The following FREM1 variants were observed in gnomAD, a reference collection of about 807,000 sequenced individuals.
FREM1 encodes FRAS1-related extracellular matrix protein 1.
FREM1 carries 220 observed loss-of-function variants against 210.1 expected under a neutral mutation model. The observed-to-expected ratio is 1.05, with a 90% confidence interval of 0.94 to 1.17. FREM1 has a LOEUF of 1.17. Among genes scored for constraint, FREM1 ranks in the 50% most tolerant of loss-of-function variants. FREM1 has a pLI of 0.00. For synonymous variants in FREM1, 1,189 were observed against 980.2 expected (o/e 1.21, Z -3.98); for missense variants, 3,454 against 2,675.5 (o/e 1.29, Z -6.42).
chr9:14,759,987 G>A (rs952533769), intron 27 of FREM1, 86 bp from the exon 28 acceptor site: 8 of 1,136,130 alleles, frequency 7.0e-6, no homozygotes, highest in South Asian at 2.0e-5. Context: ...GTGGAAAAAC[G>A]TGGTTGATCA....
Position 14,784,450 on chromosome 9 carries a change from G to C in FREM1, c.4362C>G (p.Asn1454Lys), listed in dbSNP as rs747248351. The C allele has an allele frequency of 3.1e-6, 5 of 1,613,944 alleles. No homozygotes were observed. In the Admixed American group the frequency reaches 8.3e-5, roughly 27 times the overall value. Residue 1454 changes from asparagine (N) to lysine (K), a missense_variant, in exon 24 of 37, where the codon AAC (asparagine) becomes AAG (lysine). Asn to Lys is a moderately conservative substitution (Grantham distance 94, BLOSUM62 0). Transcript: ENST00000380880. ...YVHYPGVPIT[N>K]FSQMDVVGQT... is the part of the protein sequence containing the mutation. ...GCCCCACTACATCCATTTGGCTGAA[G>C]TTTGTAATGGGAACTCCAGGATAGT...
At chr9:14,826,239 C>A (rs1174887304) in intron 10 of FREM1, among the ~76,000 whole-genome samples, 1 of 151,890 alleles carries the variant, frequency 6.6e-6, no homozygotes, top group Non-Finnish European at 1.5e-5. Context: ...CTACGGGCTT[C>A]CACCATCACA....
intron 22 of FREM1, among the ~76,000 whole-genome samples, chr9:14,790,142 C>T (rs968024132): frequency 1.3e-5 from 2 of 152,098 alleles, no homozygotes; most frequent in African/African-American, 4.8e-5. Flanking sequence ...GGGGAGGTGG[C>T]ACAGCAGTGG....
At chr9:14,814,614 T>C (rs1819975325) in intron 15 of FREM1, among the ~76,000 whole-genome samples, 1 of 152,236 alleles carries the variant, frequency 6.6e-6, no homozygotes, top group Non-Finnish European at 1.5e-5. Flanking sequence ...ACCATCTTTG[T>C]TCAAGTCCCC....
intron 6 of FREM1, among the ~76,000 whole-genome samples, chr9:14,850,716 C>T (rs901845341): frequency 6.6e-6 from 1 of 152,114 alleles, no homozygotes; most frequent in African/African-American, 2.4e-5. Context: ...TACCCCAGAA[C>T]TTAAACACAC....
chr9:14,870,177 T>G (rs1832335449), intron 1 of FREM1, among the ~76,000 whole-genome samples: 2 of 152,234 alleles, frequency 1.3e-5, no homozygotes, highest in Non-Finnish European at 2.9e-5. Context: ...GCATAACCAG[T>G]AGATACCAAA....
chr9:14,889,380 T>A (rs1240576227), intron 1 of FREM1, among the ~76,000 whole-genome samples: 1 of 152,248 alleles, frequency 6.6e-6, no homozygotes, highest in Non-Finnish European at 1.5e-5. Context: ...CCTTTGTTTA[T>A]GTGGAAGGTT....
intron 21 of FREM1, among the ~76,000 whole-genome samples, chr9:14,796,411 CTG>C (rs368274144): frequency 2.0e-5 from 3 of 152,330 alleles, no homozygotes; most frequent in African/African-American, 7.2e-5. Flanking sequence ...GTTCTGTAGA[CTG>C]TGTACAGTTC....
At chr9:14,856,886 C>A (rs2131509633) in intron 5 of FREM1, among the ~76,000 whole-genome samples, 1 of 152,142 alleles carries the variant, frequency 6.6e-6, no homozygotes, top group Non-Finnish European at 1.5e-5. Flanking sequence ...TGCAGTTTCC[C>A]CGGTTTCCCC....
At chr9:14,868,630 C>T (rs1322567223) in intron 2 of FREM1, 114 bp downstream of exon 2, 2 of 695,292 alleles carry the variant, frequency 2.9e-6, no homozygotes, top group Non-Finnish European at 5.1e-6. Flanking sequence ...TTCTAATACT[C>T]GTCTTTGATG....
chr9:14,747,066 G>GGCAATTTA lies in FREM1; in HGVS notation c.6010-23_6010-16dup. 3 of 1,612,920 alleles carry GGCAATTTA rather than the reference G, an allele frequency of 1.9e-6. No individual in the cohort carries two copies. The highest frequency in any genetic ancestry group is 2.5e-6 in the Non-Finnish European group (3 of 1,179,430). On this transcript the variant is annotated splice_polypyrimidine_tract_variant and intron_variant, in intron 33 of 36. Transcript: ENST00000380880. ...GGCAACTGGTCCTTTGGGAAGGAAA[G>GGCAATTTA]GCAATTTAGCAATTTAGAATTGACT...
chr9:14,902,020 T>C (rs1336668988), intron 1 of FREM1, among the ~76,000 whole-genome samples: 2 of 151,998 alleles, frequency 1.3e-5, no homozygotes, highest in Non-Finnish European at 2.9e-5. Flanking sequence ...TGGTTTTTTT[T>C]TTTTTTTAAG....
At position 14,812,899 on chromosome 9, in the gene FREM1, G is replaced by T. The variant is rs776648421; in HGVS notation, c.2806C>A (p.His936Asn). ...ACTCCAGCTCTCCTCACCACCCCAT[G>T]CTGAGGTTCGCGAGCAATCACAAAC... Reference protein sequence around the residue: ...LMFVIAREPQHGVVRRAGVTV... With the variant: ...LMFVIAREPQNGVVRRAGVTV... Residue 936 changes from histidine (H) to asparagine (N), a missense_variant, in exon 16 of 37, where the codon CAT becomes AAT. Transcript: ENST00000380880. 1.2e-6 allele frequency: 2 copies of T among 1,613,832 alleles called. No homozygotes were observed. Among genetic ancestry groups the T allele is most frequent in the Admixed American group, 3.3e-5 (2 of 60,004 alleles).
At chr9:14,866,436 G>A (rs1467937615) in intron 2 of FREM1, among the ~76,000 whole-genome samples, 1 of 152,168 alleles carries the variant, frequency 6.6e-6, no homozygotes, top group African/African-American at 2.4e-5. Context: ...ACGGTAAGGA[G>A]TCATAGGCCA....
At chr9:14,772,975 C>A (rs1376067777) in intron 25 of FREM1, among the ~76,000 whole-genome samples, 1 of 152,200 alleles carries the variant, frequency 6.6e-6, no homozygotes, top group Non-Finnish European at 1.5e-5. Flanking sequence ...ACTCTAGCAA[C>A]ACGGTCCCGT....
At chr9:14,843,054 G>C (rs1462587246) in intron 8 of FREM1, among the ~76,000 whole-genome samples, 1 of 152,176 alleles carries the variant, frequency 6.6e-6, no homozygotes, top group Non-Finnish European at 1.5e-5. Context: ...AGCAGACTGA[G>C]AAAAGATCAC....
At chr9:14,826,328 G>A (rs1480721063) in intron 10 of FREM1, among the ~76,000 whole-genome samples, 5 of 152,104 alleles carry the variant, frequency 3.3e-5, no homozygotes, top group Admixed American at 6.5e-5. Context: ...CTGACTTCAA[G>A]TGATCCGCCC....
At chr9:14,785,309 CA>C (rs1850243187) in intron 23 of FREM1, among the ~76,000 whole-genome samples, 1 of 152,126 alleles carries the variant, frequency 6.6e-6, no homozygotes. Context: ...TATTAACATT[CA>C]TTAGTTATAT....
chr9:14,776,825 A>G (rs1312118269), intron 24 of FREM1, among the ~76,000 whole-genome samples: 4 of 152,214 alleles, frequency 2.6e-5, no homozygotes, highest in African/African-American at 9.6e-5. Context: ...GGGATGGACC[A>G]GAAGATCATT....
Sources: allele counts gnomAD v4.1 joint callset (sites outside exome capture counted in the v4.1 genomes callset), GRCh38; gene constraint gnomAD v4.1.1; transcripts MANE v1.5; gene names NCBI Gene and HGNC (gene_info 2026-07-23, HGNC 2026-07-21).